WWOX: variants seen among roughly 807,000 people sequenced by gnomAD.
The protein encoded by WWOX is WW domain-containing oxidoreductase.
WWOX carries 69 observed loss-of-function variants against 46.2 expected under a neutral mutation model. The ratio of observed to expected loss-of-function variants is 1.49; its 90% CI spans 1.23 to 1.82. The LOEUF (loss-of-function observed/expected upper bound fraction) is 1.82, where lower values mean the gene tolerates loss of function less well. Ranked by LOEUF, WWOX falls within the 40% of genes most tolerant of loss-of-function variation. The probability of loss-of-function intolerance (pLI) is 0.00; values close to 1 mark genes in which losing one functional copy is unlikely to be tolerated. For missense variants in WWOX, 919 were observed against 542.6 expected, an observed-to-expected ratio of 1.69 and a Z score of -6.89; for synonymous variants, 359 against 202.6, an observed-to-expected ratio of 1.77 and a Z score of -6.56.
Position 78,762,448 on chromosome 16 carries a change from C to G in WWOX, c.1056+329696C>G, listed in dbSNP as rs147937129. Among the ~76,000 whole-genome samples, 27 of 152,264 alleles carry G rather than the reference C, an allele frequency of 1.8e-4. No individual in the cohort carries two copies. The East Asian group carries it at 4.8e-3, about 27-fold the overall frequency. On this transcript the variant is annotated intron_variant, in intron 8 of 8. Transcript: ENST00000566780. ...TCACCGCCCCCACTTCCCACTGAGT[C>G]GAATAGACATTAAGTGAGCCTTCCT...
intron 8 of WWOX, among the ~76,000 whole-genome samples, chr16:78,889,539 A>G (rs781365073): frequency 2.6e-5 from 4 of 152,068 alleles, no homozygotes; most frequent in Non-Finnish European, 5.9e-5. Context: ...CGACAGCCAT[A>G]AGTATTGGCC....
intron 8 of WWOX, among the ~76,000 whole-genome samples, chr16:78,580,737 G>A (rs1167041330): frequency 2.0e-5 from 3 of 152,172 alleles, no homozygotes; most frequent in Admixed American, 6.5e-5. Flanking sequence ...TGAGAAAATG[G>A]CGACAAAGAT....
chr16:78,444,933 C>G (rs972536171), intron 8 of WWOX, among the ~76,000 whole-genome samples: 1 of 152,176 alleles, frequency 6.6e-6, no homozygotes, highest in Admixed American at 6.5e-5. Context: ...TGGGGTTGTA[C>G]TTGGAATGAC....
chr16:78,836,197 G>A (rs1164724807), intron 8 of WWOX, among the ~76,000 whole-genome samples: 5 of 151,786 alleles, frequency 3.3e-5, no homozygotes, highest in African/African-American at 9.7e-5. Flanking sequence ...TTAACAGTTA[G>A]ATTTACTCTT....
intron 8 of WWOX, among the ~76,000 whole-genome samples, chr16:79,099,269 C>T (rs1258102756): frequency 6.6e-6 from 1 of 152,124 alleles, no homozygotes. Context: ...GATCAAATGT[C>T]AACATGAGAT....
chr16:78,424,760 A>T (rs1168792710), intron 6 of WWOX, 110 bp from the exon 7 acceptor site: 2 of 1,222,090 alleles, frequency 1.6e-6, no homozygotes, highest in East Asian at 4.7e-5. Flanking sequence ...AGCATGGATT[A>T]TCCTTGGTTG....
At chr16:78,118,462 T>A (rs1443103811) in intron 4 of WWOX, among the ~76,000 whole-genome samples, 1 of 152,170 alleles carries the variant, frequency 6.6e-6, no homozygotes, top group Non-Finnish European at 1.5e-5. Context: ...ATGAACAAAC[T>A]GCCATCTCTG....
intron 8 of WWOX, among the ~76,000 whole-genome samples, chr16:78,919,568 A>G (rs192904939): frequency 1.2e-4 from 17 of 137,174 alleles, no homozygotes; most frequent in African/African-American, 3.9e-4. Context: ...TGCCAGATGG[A>G]GCACAATGGC....
intron 4 of WWOX, among the ~76,000 whole-genome samples, chr16:78,126,239 G>A (rs1473422281): frequency 6.6e-6 from 1 of 152,084 alleles, no homozygotes. Flanking sequence ...ACCCATCCGT[G>A]ACTCTTCTAT....
chr16:78,216,961 G>A (rs1391527533), intron 5 of WWOX, among the ~76,000 whole-genome samples: 1 of 152,166 alleles, frequency 6.6e-6, no homozygotes, highest in Non-Finnish European at 1.5e-5. Context: ...GACCTCAAGT[G>A]ATCTGCCTGC....
At position 78,321,371 on chromosome 16, in the gene WWOX, C is replaced by T. The variant is rs1298754292; in HGVS notation, c.517-65489C>T. Among the ~76,000 whole-genome samples the T allele has an allele frequency of 7.3e-4, 33 of 45,330 alleles. 1 individual carries two copies. The highest frequency in any genetic ancestry group is 9.7e-4 in the Non-Finnish European group (25 of 25,832). 29.7% of individuals were successfully genotyped at this position (45,330 alleles called of 152,430 possible). ...ATACGTATATATGCGTATATATATA[C>T]GTATATATGCGTATATATATACGTA... On this transcript the variant is annotated intron_variant, in intron 5 of 8. Transcript: ENST00000566780.
At chr16:78,328,763 C>G (rs566203837) in intron 5 of WWOX, among the ~76,000 whole-genome samples, 17 of 152,288 alleles carry the variant, frequency 1.1e-4, no homozygotes, top group African/African-American at 3.8e-4. Flanking sequence ...CATTTCCACA[C>G]CCTCAGCACC....
rs191230143 is a variant in WWOX, at chr16:78,999,401, C to T, written c.1057-212207C>T. Among the ~76,000 whole-genome samples, 37 of 152,188 alleles carry T rather than the reference C, an allele frequency of 2.4e-4. No homozygotes were observed. In the East Asian group the frequency reaches 6.4e-3, roughly 26 times the overall value. The stretch of plus-strand genomic sequence containing the variant: ...AGGAGAATCGCTTCAACCCAGAAGG[C>T]GGAAGTTGCGGTGAGCCGAGATTGC... On this transcript the variant is annotated intron_variant, in intron 8 of 8. Coordinates refer to ENST00000566780, the MANE Select transcript of WWOX (RefSeq NM_016373.4).
chr16:78,745,459 A>T lies in WWOX; in HGVS notation c.1056+312707A>T, dbSNP rs143352400. On this transcript the variant is annotated intron_variant, in intron 8 of 8. Coordinates refer to ENST00000566780, the MANE Select transcript of WWOX (RefSeq NM_016373.4). ...CTCCCTCAACATTGACCTAGGTCAG[A>T]AGGACCCTATTTTAATGTTTAGCGT... Among the ~76,000 whole-genome samples, 48 of 151,192 alleles carry T rather than the reference A, an allele frequency of 3.2e-4. 1 individual carries two copies. Among genetic ancestry groups the T allele is most frequent in the Middle Eastern group, 3.5e-3 (1 of 284 alleles).
intron 8 of WWOX, among the ~76,000 whole-genome samples, chr16:78,934,960 T>A (rs894359173): frequency 2.0e-5 from 3 of 152,060 alleles, no homozygotes; most frequent in Admixed American, 2.0e-4. Context: ...ATTAGACACT[T>A]TTCAAAAGAA....
At chr16:78,416,077 C>G (rs538342066) in intron 6 of WWOX, among the ~76,000 whole-genome samples, 36 of 152,300 alleles carry the variant, frequency 2.4e-4, no homozygotes, top group African/African-American at 8.7e-4. Flanking sequence ...TGCCCTTAAT[C>G]ACCTCTCACA....
chr16:78,681,327 C>G (rs888470443), intron 8 of WWOX, among the ~76,000 whole-genome samples: 4 of 152,102 alleles, frequency 2.6e-5, no homozygotes, highest in Non-Finnish European at 5.9e-5. Context: ...ATGGCTTGAG[C>G]CCAGAGGTAG....
chr16:78,575,426 A>C (rs1163249888), intron 8 of WWOX, among the ~76,000 whole-genome samples: 2 of 151,824 alleles, frequency 1.3e-5, no homozygotes, highest in African/African-American at 2.4e-5. Context: ...TCTTACACCT[A>C]CCCATTAGTC....
At chr16:78,686,867 T>A (rs1025972281) in intron 8 of WWOX, among the ~76,000 whole-genome samples, 3 of 152,198 alleles carry the variant, frequency 2.0e-5, no homozygotes, top group Non-Finnish European at 2.9e-5. Context: ...GGCAGTGTTC[T>A]TCTTTTCAAA....
Sources: allele counts gnomAD v4.1 joint callset (sites outside exome capture counted in the v4.1 genomes callset), GRCh38; gene constraint gnomAD v4.1.1; transcripts MANE v1.5; gene names NCBI Gene and HGNC (gene_info 2026-07-23, HGNC 2026-07-21).